Variants in TMLHE observed in about 807,000 individuals in gnomAD.
TMLHE encodes trimethyllysine dioxygenase, mitochondrial.
Under a neutral mutation model 25.7 loss-of-function variants are expected in TMLHE, and 18 were observed. The observed-to-expected ratio is 0.70, with a 90% CI of 0.48 to 1.04. The LOEUF is 1.04. TMLHE is among the 50% of genes least tolerant of loss of function. TMLHE has a pLI of 0.00. For missense variants in TMLHE, 236 were observed against 259.0 expected (o/e 0.91, Z 0.61); for synonymous variants, 105 against 97.0 (o/e 1.08, Z -0.49).
intron 1 of TMLHE, among the ~76,000 whole-genome samples, chrX:155,600,148 T>C (rs1347069542): frequency 8.9e-6 from 1 of 111,839 alleles, no homozygotes; most frequent in Non-Finnish European, 1.9e-5. Context: ...AACAGTATAT[T>C]TTCTTTTGTT....
rs1188870400 is a variant in TMLHE, at chrX:155,571,800, A to T, written c.-1-26523T>A. On this transcript the variant is annotated intron_variant, in intron 1 of 7. Coordinates refer to ENST00000334398, the MANE Select transcript of TMLHE (RefSeq NM_018196.4). ...AATTCAACAACCCTTCAGGCTAAAA[A>T]CTCTCAATAAATTAGGTATTGATGG... 3.9e-5 allele frequency among the ~76,000 whole-genome samples: 2 copies of T among 51,250 alleles called. 1 individual carries two copies. Among genetic ancestry groups the T allele is most frequent in the Non-Finnish European group, 1.0e-4 (2 of 19,640 alleles). The allele number at this position is 51,250 out of a possible 115,157, so 44.5% of individuals were successfully genotyped here.
At chrX:155,515,222 G>A (rs2067144090) in intron 3 of TMLHE, among the ~76,000 whole-genome samples, 1 of 109,959 alleles carries the variant, frequency 9.1e-6, no homozygotes, top group Non-Finnish European at 1.9e-5. Context: ...TATAGTTTAT[G>A]TAATTTATAT....
At chrX:155,611,887 G>A (rs1191505941) in intron 1 of TMLHE, among the ~76,000 whole-genome samples, 4 of 111,679 alleles carry the variant, frequency 3.6e-5, no homozygotes, top group African/African-American at 1.3e-4. Context: ...AGTGTGTCCT[G>A]AAAGGGCAAA....
intron 1 of TMLHE, among the ~76,000 whole-genome samples, chrX:155,605,273 CATCACTA>C (rs2067780276): frequency 1.8e-5 from 2 of 111,614 alleles, no homozygotes; most frequent in African/African-American, 3.3e-5. Flanking sequence ...ATTTCCCAAA[CATCACTA>C]GAAAGGACAA....
At chrX:155,600,289 G>T (rs1557347077) in intron 1 of TMLHE, among the ~76,000 whole-genome samples, 2 of 111,381 alleles carry the variant, frequency 1.8e-5, no homozygotes, top group African/African-American at 6.5e-5. Context: ...GCTACTTCAG[G>T]TAGTCATGTT....
chrX:155,533,343 ACACACACACATACACATG>A (rs1206074933), intron 2 of TMLHE, among the ~76,000 whole-genome samples: 1 of 102,983 alleles, frequency 9.7e-6, no homozygotes, highest in Admixed American at 1.1e-4. Context: ...TGATTCCTTT[ACACACACACATACACATG>A]CACACACACG....
chrX:155,548,696 C>G lies in TMLHE; in HGVS notation c.-1-3419G>C, dbSNP rs931394676. Reference sequence around the variant, plus strand: ...GTTGCAGTGAGCTGAGATTGTGCCACTGCACTCCAGCCTGGGCGACAGAGT... The same window carrying G: ...GTTGCAGTGAGCTGAGATTGTGCCAGTGCACTCCAGCCTGGGCGACAGAGT... On this transcript the variant is annotated intron_variant, in intron 1 of 7. Coordinates refer to ENST00000334398, the MANE Select transcript of TMLHE (RefSeq NM_018196.4). Among the ~76,000 whole-genome samples the G allele has an allele frequency of 2.8e-5, 3 of 107,226 alleles. No homozygotes were observed. The South Asian group carries it at 1.3e-3, about 45-fold the overall frequency. 93.1% of individuals were successfully genotyped at this position (107,226 alleles called of 115,157 possible). A position where few individuals can be genotyped will look rare whatever the true frequency, so the allele number is the denominator to read the frequency against.
chrX:155,548,816 G>C (rs782008380), intron 1 of TMLHE, among the ~76,000 whole-genome samples: 1 of 110,487 alleles, frequency 9.1e-6, no homozygotes, highest in African/African-American at 3.3e-5. Context: ...ATTTCTAAGA[G>C]AAAACACATA....
At chrX:155,596,476 A>G (rs2067721037) in intron 1 of TMLHE, among the ~76,000 whole-genome samples, 1 of 111,442 alleles carries the variant, frequency 9.0e-6, no homozygotes, top group South Asian at 3.8e-4. Context: ...TTTAAGGCTC[A>G]TTACACCCAG....
At chrX:155,557,571 A>G (rs1488153721) in intron 1 of TMLHE, among the ~76,000 whole-genome samples, 1 of 111,552 alleles carries the variant, frequency 9.0e-6, no homozygotes, top group Non-Finnish European at 1.9e-5. Context: ...CTTTTTTTCT[A>G]GGACTCCTAT....
intron 5 of TMLHE, among the ~76,000 whole-genome samples, chrX:155,510,268 C>CT (rs2124326374): frequency 2.5e-5 from 1 of 40,674 alleles, no homozygotes; most frequent in African/African-American, 5.7e-5. Context: ...TTTTATTATA[C>CT]TTTAAGTTTT....
In TMLHE at chrX:155,544,541, T is replaced by G. The variant is rs182105115; in HGVS notation, c.181+555A>C. Among the ~76,000 whole-genome samples the G allele has an allele frequency of 8.0e-5, 9 of 111,886 alleles. No homozygotes were observed. The East Asian group carries it at 2.5e-3, about 32-fold the overall frequency. The stretch of plus-strand genomic sequence containing the variant: ...TGGCCTTACCAACCCTCCAAGACTA[T>G]GAGAAAATACACTGTTGTTTTAAAT... On this transcript the variant is annotated intron_variant, in intron 2 of 7. Transcript: ENST00000334398.
At chrX:155,552,913 T>A (rs1159487993) in intron 1 of TMLHE, among the ~76,000 whole-genome samples, 1 of 110,838 alleles carries the variant, frequency 9.0e-6, no homozygotes, top group Non-Finnish European at 1.9e-5. Flanking sequence ...GATGCTATAT[T>A]TCCATTTCTC....
intron 1 of TMLHE, among the ~76,000 whole-genome samples, chrX:155,581,476 C>T (rs962886499): frequency 8.9e-6 from 1 of 111,945 alleles, no homozygotes; most frequent in Non-Finnish European, 1.9e-5. Flanking sequence ...TCAGCAAAGT[C>T]TCAGGATACA....
At chrX:155,587,165 C>T (rs2067669887) in intron 1 of TMLHE, among the ~76,000 whole-genome samples, 1 of 111,799 alleles carries the variant, frequency 8.9e-6, no homozygotes, top group Non-Finnish European at 1.9e-5. Context: ...AGATAATACA[C>T]CACAATCAAG....
At chrX:155,555,852 T>C (rs1377784691) in intron 1 of TMLHE, among the ~76,000 whole-genome samples, 5 of 110,099 alleles carry the variant, frequency 4.5e-5, no homozygotes, top group African/African-American at 1.7e-4. Context: ...TTTCTTTTGC[T>C]GTGCAGAAGC....
At chrX:155,513,949 T>G in intron 4 of TMLHE, 37 bp downstream of exon 4, 2 of 1,171,015 alleles carry the variant, frequency 1.7e-6, no homozygotes, top group Non-Finnish European at 2.3e-6. Flanking sequence ...TGGAAATTAA[T>G]TATAATACTG....
chrX:155,556,317 G>C (rs933164041), intron 1 of TMLHE, among the ~76,000 whole-genome samples: 1 of 88,804 alleles, frequency 1.1e-5, no homozygotes, highest in African/African-American at 3.8e-5. Context: ...TGCCACACCT[G>C]GACTTCTGTC....
intron 1 of TMLHE, among the ~76,000 whole-genome samples, chrX:155,557,827 C>A (rs1569562146): frequency 9.0e-6 from 1 of 111,076 alleles, no homozygotes. Flanking sequence ...AAAAAGTTTT[C>A]CCCCCAGTCA....
Sources: allele counts gnomAD v4.1 joint callset (sites outside exome capture counted in the v4.1 genomes callset), GRCh38; gene constraint gnomAD v4.1.1; transcripts MANE v1.5; gene names NCBI Gene and HGNC (gene_info 2026-07-23, HGNC 2026-07-21).